The following PROSER1 variants were observed in gnomAD, a reference collection of about 807,000 sequenced individuals.
PROSER1 encodes the protein proline and serine rich 1, also known as proline and serine-rich protein 1.
PROSER1 carries 36 observed loss-of-function variants against 71.8 expected under a neutral mutation model. The observed-to-expected ratio is 0.50, with a 90% confidence interval of 0.38 to 0.66. The LOEUF is 0.66. Ranked by LOEUF, PROSER1 falls within the 30% of genes least tolerant of loss-of-function variation. The pLI, the probability that PROSER1 is intolerant of heterozygous loss-of-function variation, is 0.00. For missense variants in PROSER1, 1,107 were observed against 1,135.0 expected (o/e 0.98, Z 0.35); for synonymous variants, 490 against 452.4 (o/e 1.08, Z -1.06).
chr13:39,029,965 CT>C (rs1354038508), intron 3 of PROSER1, among the ~76,000 whole-genome samples: 1 of 152,104 alleles, frequency 6.6e-6, no homozygotes, highest in Non-Finnish European at 1.5e-5. Context: ...ACTAGAGTAC[CT>C]TTATTTCTGA....
rs199574689 is a variant in PROSER1 at position 39,014,396 on chromosome 13, C to A, written c.856G>T (p.Ala286Ser). 6.8e-5 allele frequency: 109 copies of A among 1,613,834 alleles called. No homozygotes were observed. The Admixed American group carries it at 1.8e-3, about 26-fold the overall frequency. The change falls in exon 11 of 13, where the codon GCA (alanine) becomes TCA (serine). Residue 286 changes from alanine (A) to serine (S), a missense_variant. Coordinates refer to ENST00000352251, the MANE Select transcript of PROSER1 (RefSeq NM_025138.5). The part of the protein sequence containing the change: ...STPAATPVPT[A>S]SPVKAINHPS... ...TGATTAATTGCCTTGACTGGGGATG[C>A]AGTAGGAACAGGAGTTGCAGCAGGT... is the stretch of plus-strand genomic sequence containing the variant.
chr13:39,032,096 C>T (rs1463936396), intron 2 of PROSER1, among the ~76,000 whole-genome samples: 1 of 152,118 alleles, frequency 6.6e-6, no homozygotes, highest in African/African-American at 2.4e-5. Flanking sequence ...AATGGAAAAC[C>T]TTTCAACACG....
At chr13:39,035,533 T>G (rs1181127360) in intron 1 of PROSER1, among the ~76,000 whole-genome samples, 1 of 152,184 alleles carries the variant, frequency 6.6e-6, no homozygotes. Context: ...CTGGAGAAAG[T>G]GCTTAAAAAC....
chr13:39,033,985 T>C, intron 2 of PROSER1, 146 bp downstream of exon 2: 1 of 552,862 alleles, frequency 1.8e-6, no homozygotes, highest in Non-Finnish European at 3.2e-6. Flanking sequence ...TTCTGTAGAG[T>C]TTTCTGCCAA....
Position 39,012,675 on chromosome 13 carries a change from C to CA in PROSER1, c.2561+15dup. The CA allele has an allele frequency of 6.6e-7, 1 of 1,512,082 alleles. No individual in the cohort carries two copies. Among genetic ancestry groups the CA allele is most frequent in the Non-Finnish European group, 8.9e-7 (1 of 1,124,846 alleles). 93.7% of individuals were successfully genotyped at this position (1,512,082 alleles called of 1,614,324 possible). On this transcript the variant is annotated intron_variant, in intron 11 of 12. Coordinates refer to ENST00000352251, the MANE Select transcript of PROSER1 (RefSeq NM_025138.5). ...GTGAAGAATAATTTTATCCTATTTCCAAACTATCCACATACCCGGCTTGTG... is the reference window on the plus strand; with the variant it reads ...GTGAAGAATAATTTTATCCTATTTCCAAAACTATCCACATACCCGGCTTGTG...
intron 7 of PROSER1, among the ~76,000 whole-genome samples, 157 bp downstream of exon 7, chr13:39,024,312 TTAAA>T (rs1870439859): frequency 6.6e-6 from 1 of 152,130 alleles, no homozygotes; most frequent in Non-Finnish European, 1.5e-5. Flanking sequence ...CTTACTACTG[TTAAA>T]TATTTATGTT....
chr13:39,019,934 C>T (rs567266856), intron 9 of PROSER1, among the ~76,000 whole-genome samples: 1 of 151,572 alleles, frequency 6.6e-6, no homozygotes, highest in East Asian at 1.9e-4. Flanking sequence ...AATAAAGGTA[C>T]AGGCAAAATA....
At position 39,034,175 on chromosome 13, in the gene PROSER1, A is replaced by G. The variant is rs772863187; in HGVS notation, c.67T>C (p.Leu23=). The G allele has an allele frequency of 1.8e-5, 29 of 1,588,344 alleles. No homozygotes were observed. Among genetic ancestry groups the G allele is most frequent in the Non-Finnish European group, 2.3e-5 (27 of 1,170,354 alleles). Residue 23 remains leucine (L), a synonymous_variant, in exon 2 of 13, where the codon TTA becomes CTA. Coordinates refer to ENST00000352251, the MANE Select transcript of PROSER1 (RefSeq NM_025138.5). ...CCATGCACATATTCAATTGCTTTTA[A>G]TTTGTATTCTGTCAAAACAGCCTAA... ...IRKAVLTEYK[L]KAIEYVHGYF... is the part of the protein sequence containing the mutation.
intron 1 of PROSER1, among the ~76,000 whole-genome samples, chr13:39,034,796 T>C (rs1871020375): frequency 6.6e-6 from 1 of 152,212 alleles, no homozygotes; most frequent in African/African-American, 2.4e-5. Context: ...GGGAACACCA[T>C]TCACCAACCT....
intron 6 of PROSER1, among the ~76,000 whole-genome samples, chr13:39,024,802 A>G (rs1420366213): frequency 6.6e-6 from 1 of 152,138 alleles, no homozygotes; most frequent in African/African-American, 2.4e-5. Context: ...AAACACAGAG[A>G]GGATGACAGG....
At position 39,029,343 on chromosome 13, in the gene PROSER1, G is replaced by A. The variant is rs1870719458; in HGVS notation, c.213C>T (p.Val71=). 44 of 1,519,194 alleles carry A rather than the reference G, an allele frequency of 2.9e-5. No individual in the cohort carries two copies. Among genetic ancestry groups the A allele is most frequent in the Non-Finnish European group, 3.7e-5 (42 of 1,138,092 alleles). The allele number at this position is 1,519,194 out of a possible 1,614,324, so 94.1% of individuals were successfully genotyped here. A position where few individuals can be genotyped will look rare whatever the true frequency, so the allele number is the denominator to read the frequency against. ...KMVAVQPTEV[V]NILNCFTFSK... Reference sequence around the variant, plus strand: ...TGAAAGTGAAACAGTTGAGTATATTGACCACTTCTGTTGGCTGGACAGCCA... The same window carrying A: ...TGAAAGTGAAACAGTTGAGTATATTAACCACTTCTGTTGGCTGGACAGCCA... The change falls in exon 4 of 13, where the codon GTC becomes GTT. Residue 71 remains valine (V), a synonymous_variant. Transcript: ENST00000352251.
intron 9 of PROSER1, among the ~76,000 whole-genome samples, chr13:39,018,501 C>A (rs927527905): frequency 1.3e-5 from 2 of 151,206 alleles, no homozygotes; most frequent in African/African-American, 4.9e-5. Flanking sequence ...CACACACACA[C>A]ACACACACAC....
intron 2 of PROSER1, among the ~76,000 whole-genome samples, chr13:39,033,560 C>A (rs896015304): frequency 3.9e-5 from 6 of 152,192 alleles, no homozygotes; most frequent in Non-Finnish European, 7.3e-5. Flanking sequence ...CAGAAACATG[C>A]CCCCTTGTGT....
At chr13:39,035,474 A>G (rs930195484) in intron 1 of PROSER1, among the ~76,000 whole-genome samples, 2 of 152,230 alleles carry the variant, frequency 1.3e-5, no homozygotes, top group Non-Finnish European at 2.9e-5. Flanking sequence ...AGCAAGAAGT[A>G]CAGTGCCTAC....
chr13:39,034,338 T>A, intron 1 of PROSER1, 142 bp from the exon 2 acceptor site: 1 of 541,848 alleles, frequency 1.8e-6, no homozygotes, highest in Admixed American at 4.1e-5. Flanking sequence ...GGAACTAAGG[T>A]CACTGTGGTG....
chr13:39,033,349 T>C (rs1023161093), intron 2 of PROSER1, among the ~76,000 whole-genome samples: 6 of 152,274 alleles, frequency 3.9e-5, no homozygotes, highest in Admixed American at 1.3e-4. Flanking sequence ...AGAACTTCTA[T>C]AGGCTTAAAA....
In PROSER1 at chr13:39,037,469, A is replaced by T; in HGVS notation, c.-227T>A. 1 of 527,446 alleles carries T rather than the reference A, an allele frequency of 1.9e-6. No individual in the cohort carries two copies. The allele number at this position is 527,446 out of a possible 1,614,324, so 32.7% of individuals were successfully genotyped here. ...TTTTATTAAAAAGAAAAAACACTCC[A>T]GTCAGGCTTCCCCAGCTTATTCACA... On this transcript the variant is annotated 5_prime_UTR_variant, in exon 1 of 13. Coordinates refer to ENST00000352251, the MANE Select transcript of PROSER1 (RefSeq NM_025138.5).
At chr13:39,035,910 G>C (rs1566030170) in intron 1 of PROSER1, among the ~76,000 whole-genome samples, 1 of 152,150 alleles carries the variant, frequency 6.6e-6, no homozygotes, top group Non-Finnish European at 1.5e-5. Flanking sequence ...TTTAACTGCT[G>C]ACCAGAAATA....
intron 9 of PROSER1, 74 bp from the exon 10 acceptor site, chr13:39,017,618 AT>A: frequency 1.2e-6 from 1 of 802,240 alleles, no homozygotes; most frequent in Non-Finnish European, 2.0e-6. Context: ...AGATATTTGG[AT>A]AAAAAGAAAA....
Sources: allele counts gnomAD v4.1 joint callset (sites outside exome capture counted in the v4.1 genomes callset), GRCh38; gene constraint gnomAD v4.1.1; transcripts MANE v1.5; gene names NCBI Gene and HGNC (gene_info 2026-07-23, HGNC 2026-07-21).